NUCB2: variants seen among roughly 807,000 people sequenced by gnomAD.
NUCB2 encodes the protein nucleobindin 2, also known as nucleobindin-2.
NUCB2 carries 48 observed loss-of-function variants against 57.9 expected under a neutral mutation model. The observed-to-expected ratio is 0.83, with a 90% CI of 0.66 to 1.05. NUCB2 has a LOEUF of 1.05. Among genes scored for constraint, NUCB2 ranks in the 50% least tolerant of loss-of-function variants. The pLI, the probability that NUCB2 is intolerant of heterozygous loss-of-function variation, is 0.00. For missense variants in NUCB2, 442 were observed against 476.2 expected (o/e 0.93, Z 0.67); for synonymous variants, 139 against 152.1 (o/e 0.91, Z 0.64).
chr11:17,289,685 A>G (rs767834096), intron 2 of NUCB2, among the ~76,000 whole-genome samples: 7 of 152,188 alleles, frequency 4.6e-5, no homozygotes, highest in Non-Finnish European at 7.3e-5. Flanking sequence ...TTAATGTTTA[A>G]TATGGCAACA....
intron 4 of NUCB2, among the ~76,000 whole-genome samples, chr11:17,301,399 C>T (rs1195236776): frequency 6.6e-6 from 1 of 151,340 alleles, no homozygotes; most frequent in African/African-American, 2.4e-5. Flanking sequence ...CTGCCCCAGC[C>T]TCCCAGGTAG....
At chr11:17,303,129 T>A (rs1469388477) in intron 5 of NUCB2, among the ~76,000 whole-genome samples, 1 of 152,178 alleles carries the variant, frequency 6.6e-6, no homozygotes, top group African/African-American at 2.4e-5. Context: ...AATCCTGAGT[T>A]GCTAGGATTA....
At chr11:17,329,539 C>G (rs1951117785) in intron 11 of NUCB2, among the ~76,000 whole-genome samples, 1 of 152,242 alleles carries the variant, frequency 6.6e-6, no homozygotes, top group Non-Finnish European at 1.5e-5. Flanking sequence ...TGGAGCCCAG[C>G]ACAGCTTTAT....
Position 17,322,065 on chromosome 11 carries a change from T to C in NUCB2, c.1002+6590T>C, listed in dbSNP as rs193142269. Among the ~76,000 whole-genome samples the C allele has an allele frequency of 2.7e-3, 418 of 152,330 alleles. 2 individuals are homozygous for C. Among genetic ancestry groups the C allele is most frequent in the African/African-American group, 7.3e-3 (302 of 41,586 alleles). On this transcript the variant is annotated intron_variant, in intron 11 of 13. Transcript: ENST00000529010. ...GGTTATCCCTTCACTTTGTTGATTT[T>C]TTGCTTTGCTCTGCAGAAGCTTTTT...
At chr11:17,313,295 C>T (rs746141628) in intron 10 of NUCB2, among the ~76,000 whole-genome samples, 1 of 151,896 alleles carries the variant, frequency 6.6e-6, no homozygotes, top group Non-Finnish European at 1.5e-5. Flanking sequence ...TTTGGGAGGC[C>T]GTGGCAGGTG....
chr11:17,334,052 C>T (rs1468081392), downstream of NUCB2: 2 of 152,228 alleles, frequency 1.3e-5, no homozygotes, highest in Non-Finnish European at 2.9e-5. Flanking sequence ...CAAGAAGTCT[C>T]ACTGCCCAAA....
chr11:17,301,621 A>C (rs1055363588), intron 4 of NUCB2, 123 bp from the exon 5 acceptor site: 1 of 595,708 alleles, frequency 1.7e-6, no homozygotes, highest in Non-Finnish European at 2.8e-6. Flanking sequence ...TTATAATATT[A>C]AATTTATCTA....
intron 10 of NUCB2, among the ~76,000 whole-genome samples, chr11:17,312,329 G>C (rs1948611730): frequency 3.3e-5 from 5 of 151,752 alleles, no homozygotes; most frequent in Admixed American, 3.3e-4. Context: ...AACCTCCTGG[G>C]CTCAAGCAAT....
At chr11:17,304,887 A>G (rs1393173455) in intron 5 of NUCB2, among the ~76,000 whole-genome samples, 2 of 152,252 alleles carry the variant, frequency 1.3e-5, no homozygotes, top group African/African-American at 4.8e-5. Flanking sequence ...AAGACACAAT[A>G]ACTTTTTGAT....
rs1341959044 is a variant in NUCB2 at position 17,281,464 on chromosome 11, A to G, written c.-155-1325A>G. 2.0e-5 allele frequency among the ~76,000 whole-genome samples: 3 copies of G among 152,192 alleles called. No individual in the cohort carries two copies. The East Asian group carries it at 5.8e-4, about 29-fold the overall frequency. ...CTACCACTTTGGGTGTTTACAGAAC[A>G]GATTTTCATATTTCTTTATGTTTCC... On this transcript the variant is annotated intron_variant, in intron 1 of 13. Coordinates refer to ENST00000529010, the MANE Select transcript of NUCB2 (RefSeq NM_005013.4).
intron 6 of NUCB2, 45 bp downstream of exon 6, chr11:17,309,720 GT>G: frequency 8.2e-7 from 1 of 1,222,542 alleles, no homozygotes; most frequent in Non-Finnish European, 1.2e-6. Flanking sequence ...TGCCTTTGAG[GT>G]TTTGTAATTT....
At chr11:17,309,039 C>T (rs1324511176) in intron 5 of NUCB2, among the ~76,000 whole-genome samples, 2 of 152,066 alleles carry the variant, frequency 1.3e-5, no homozygotes, top group East Asian at 3.9e-4. Flanking sequence ...TAAGGCCAGG[C>T]ATGGTGGCTC....
Position 17,319,021 on chromosome 11 carries a change from A to T in NUCB2, c.1002+3546A>T, listed in dbSNP as rs190105154. Among the ~76,000 whole-genome samples the T allele has an allele frequency of 4.0e-3, 608 of 152,114 alleles. 2 individuals are homozygous for T. The highest frequency in any genetic ancestry group is 0.01 in the African/African-American group (424 of 41,486). On this transcript the variant is annotated intron_variant, in intron 11 of 13. Coordinates refer to ENST00000529010, the MANE Select transcript of NUCB2 (RefSeq NM_005013.4). ...CCCTGTCTCTAAAAAGAAAAAAAAA[A>T]TTTTTTTAAAATACTTTGAGAATAT... is the stretch of plus-strand genomic sequence containing the variant.
downstream of NUCB2, among the ~76,000 whole-genome samples, chr11:17,335,120 T>A (rs573946143): frequency 1.8e-4 from 28 of 152,256 alleles, no homozygotes; most frequent in African/African-American, 5.3e-4. Context: ...CTATTTTTTT[T>A]AAGAAATGGA....
At chr11:17,299,839 G>C (rs1381344308) in intron 4 of NUCB2, among the ~76,000 whole-genome samples, 1 of 152,100 alleles carries the variant, frequency 6.6e-6, no homozygotes, top group Non-Finnish European at 1.5e-5. Flanking sequence ...GGGAGATTGA[G>C]GCTGCAGTGA....
At chr11:17,298,543 G>T (rs1031283641) in intron 4 of NUCB2, among the ~76,000 whole-genome samples, 4 of 151,498 alleles carry the variant, frequency 2.6e-5, no homozygotes, top group Non-Finnish European at 5.9e-5. Context: ...ACTCTAGCCC[G>T]CATGACACAG....
At chr11:17,298,102 AG>A (rs1204460331) in intron 4 of NUCB2, among the ~76,000 whole-genome samples, 1 of 138,140 alleles carries the variant, frequency 7.2e-6, no homozygotes, top group African/African-American at 2.7e-5. Context: ...AAAAAAAAAA[AG>A]GGGGGCCGGG....
Position 17,339,616 on chromosome 11 carries a change from C to T in NUCB2, n.2626+2082C>T, listed in dbSNP as rs1407076078. Among the ~76,000 whole-genome samples the T allele has an allele frequency of 2.1e-4, 31 of 148,920 alleles. 1 individual carries two copies. In the Admixed American group the frequency reaches 2.1e-3, roughly 10 times the overall value. On this transcript the variant is annotated intron_variant and non_coding_transcript_variant, in intron 2 of 2. Coordinates refer to the NUCB2 transcript ENST00000532240. The stretch of plus-strand genomic sequence containing the variant: ...GAACATGTGGTGTTTGGTTTTTTGT[C>T]CTTGCGATAGTTTGCTGAGAATGAT...
At chr11:17,292,853 T>A (rs1177066146) in intron 2 of NUCB2, among the ~76,000 whole-genome samples, 2 of 152,266 alleles carry the variant, frequency 1.3e-5, no homozygotes, top group African/African-American at 2.4e-5. Context: ...TGGTTTCTGT[T>A]GTTATTTATA....
Sources: allele counts gnomAD v4.1 joint callset (sites outside exome capture counted in the v4.1 genomes callset), GRCh38; gene constraint gnomAD v4.1.1; transcripts MANE v1.5; gene names NCBI Gene and HGNC (gene_info 2026-07-23, HGNC 2026-07-21).